Variants in DSCAM observed in about 807,000 individuals in gnomAD.
The protein encoded by DSCAM is cell adhesion molecule DSCAM.
Under a neutral mutation model 217.7 loss-of-function variants are expected in DSCAM, and 47 were observed. The ratio of observed to expected loss-of-function variants is 0.22; its 90% CI spans 0.17 to 0.28. The LOEUF (loss-of-function observed/expected upper bound fraction) is 0.28. Among genes scored for constraint, DSCAM ranks in the 10% least tolerant of loss-of-function variants. The pLI is 1.00. For synonymous variants in DSCAM, 1,056 were observed against 1,015.3 expected (o/e 1.04, Z -0.76); for missense variants, 2,080 against 2,618.3 (o/e 0.79, Z 4.49).
chr21:40,544,647 C>T (rs569202681), intron 3 of DSCAM, among the ~76,000 whole-genome samples: 20 of 152,260 alleles, frequency 1.3e-4, no homozygotes, highest in African/African-American at 4.3e-4. Context: ...AGAAAGAGCT[C>T]GACCCTGCTG....
intron 19 of DSCAM, among the ~76,000 whole-genome samples, chr21:40,126,856 T>C (rs1283978990): frequency 6.6e-6 from 1 of 152,176 alleles, no homozygotes; most frequent in Non-Finnish European, 1.5e-5. Flanking sequence ...TACAATAAAA[T>C]AACAACATAG....
intron 8 of DSCAM, among the ~76,000 whole-genome samples, chr21:40,336,033 A>C (rs1399536312): frequency 9.2e-5 from 14 of 152,206 alleles, no homozygotes; most frequent in African/African-American, 3.1e-4. Flanking sequence ...GAAACATAAC[A>C]GTTTTATTAC....
chr21:40,093,588 G>C, intron 21 of DSCAM, 133 bp downstream of exon 21: 1 of 1,129,328 alleles, frequency 8.9e-7, no homozygotes, highest in Non-Finnish European at 1.3e-6. Context: ...CCACAACCCT[G>C]TTTCTTGAGC....
chr21:40,342,841 G>GGCTA (rs2074514241), intron 6 of DSCAM, among the ~76,000 whole-genome samples: 1 of 145,674 alleles, frequency 6.9e-6, no homozygotes, highest in Admixed American at 6.9e-5. Context: ...CCTCCCAAAG[G>GGCTA]GCTAGGATTA....
intron 1 of DSCAM, among the ~76,000 whole-genome samples, chr21:40,764,368 A>G (rs774237660): frequency 1.3e-5 from 2 of 152,116 alleles, no homozygotes; most frequent in African/African-American, 2.4e-5. Context: ...ATCACTGGTC[A>G]TTAGAGAAAT....
chr21:40,766,160 G>C (rs1308368424), intron 1 of DSCAM, among the ~76,000 whole-genome samples: 1 of 152,174 alleles, frequency 6.6e-6, no homozygotes, highest in Admixed American at 6.5e-5. Context: ...GGTGGGGGAA[G>C]AAAGACTAAT....
At chr21:40,205,250 C>T (rs1370868257) in intron 11 of DSCAM, among the ~76,000 whole-genome samples, 1 of 132,696 alleles carries the variant, frequency 7.5e-6, no homozygotes, top group African/African-American at 3.1e-5. Flanking sequence ...ATGAGTGCTG[C>T]CAAGCAGTGC....
At chr21:40,695,763 T>A (rs1031714260) in intron 2 of DSCAM, among the ~76,000 whole-genome samples, 1 of 152,232 alleles carries the variant, frequency 6.6e-6, no homozygotes, top group Non-Finnish European at 1.5e-5. Flanking sequence ...TGGGAGAACT[T>A]CTAATCCTTT....
intron 3 of DSCAM, among the ~76,000 whole-genome samples, chr21:40,621,639 G>A (rs1045213367): frequency 4.6e-5 from 7 of 151,832 alleles, no homozygotes; most frequent in African/African-American, 1.7e-4. Context: ...GTGCTTTCAG[G>A]ACATGGTTCC....
chr21:40,336,623 C>G (rs576263187), intron 8 of DSCAM, among the ~76,000 whole-genome samples: 74 of 152,250 alleles, frequency 4.9e-4, no homozygotes, highest in Middle Eastern at 3.4e-3. Context: ...TTTAAGATGA[C>G]AGAGTACAGA....
At chr21:40,733,920 T>C (rs2091037622) in intron 1 of DSCAM, among the ~76,000 whole-genome samples, 1 of 152,148 alleles carries the variant, frequency 6.6e-6, no homozygotes, top group Admixed American at 6.5e-5. Context: ...CAGATGATAT[T>C]TGATCTCCAC....
intron 26 of DSCAM, among the ~76,000 whole-genome samples, chr21:40,078,051 C>A (rs531282161): frequency 3.3e-5 from 5 of 152,184 alleles, no homozygotes; most frequent in Non-Finnish European, 5.9e-5. Flanking sequence ...GCCCTTGATA[C>A]CAGAAAAAAT....
intron 6 of DSCAM, among the ~76,000 whole-genome samples, chr21:40,342,123 G>C (rs1051385467): frequency 2.6e-5 from 4 of 152,080 alleles, no homozygotes; most frequent in African/African-American, 7.2e-5. Context: ...TTTGGCCATT[G>C]TTATATTAGA....
Position 40,409,162 on chromosome 21 carries a change from C to T in DSCAM, c.509-39917G>A, listed in dbSNP as rs79842584. ...ACTGTACAGTAAATACTGGCAATAC[C>T]TTTAGCTTCTGAGTATTGAGAGCTA... On this transcript the variant is annotated intron_variant, in intron 3 of 32. Coordinates refer to ENST00000400454, the MANE Select transcript of DSCAM (RefSeq NM_001389.5). 6.4e-3 allele frequency among the ~76,000 whole-genome samples: 979 copies of T among 152,286 alleles called. 3 individuals carry two copies. Among genetic ancestry groups the T allele is most frequent in the Non-Finnish European group, 0.011 (771 of 68,022 alleles).
intron 1 of DSCAM, among the ~76,000 whole-genome samples, chr21:40,795,055 T>G (rs1041006550): frequency 2.0e-5 from 3 of 151,880 alleles, no homozygotes; most frequent in African/African-American, 7.3e-5. Flanking sequence ...TTGACCTGGA[T>G]AGCTGGTCTG....
At chr21:40,055,492 C>T (rs1376183532) in intron 29 of DSCAM, among the ~76,000 whole-genome samples, 1 of 152,098 alleles carries the variant, frequency 6.6e-6, no homozygotes, top group Non-Finnish European at 1.5e-5. Context: ...GTCCCAAATG[C>T]CTGGAACTGA....
At chr21:40,056,944 G>A (rs1215874830) in intron 28 of DSCAM, among the ~76,000 whole-genome samples, 5 of 152,194 alleles carry the variant, frequency 3.3e-5, no homozygotes, top group South Asian at 2.1e-4. Context: ...ATCCTTCCTT[G>A]TTAATGAGGA....
chr21:40,513,885 G>A (rs939469890), intron 3 of DSCAM, among the ~76,000 whole-genome samples: 1 of 152,120 alleles, frequency 6.6e-6, no homozygotes, highest in African/African-American at 2.4e-5. Flanking sequence ...AAAAACAAGT[G>A]AAGTCAAAAA....
intron 9 of DSCAM, among the ~76,000 whole-genome samples, chr21:40,309,589 C>G (rs1167031989): frequency 4.6e-5 from 7 of 152,158 alleles, no homozygotes; most frequent in African/African-American, 1.7e-4. Flanking sequence ...CATTATTCCC[C>G]TTGTCAATAC....
Sources: gnomAD v4.1 joint callset for allele counts (sites outside exome capture counted in the v4.1 genomes callset) on GRCh38, gnomAD v4.1.1 for gene constraint, MANE v1.5 for transcripts, NCBI Gene and HGNC (gene_info 2026-07-23, HGNC 2026-07-21) for gene names.